The following SCGB1D4 variants were observed in gnomAD, a reference collection of about 807,000 sequenced individuals.
The protein encoded by SCGB1D4 is secretoglobin family 1D member 4.
Under a neutral mutation model 8.1 loss-of-function variants are expected in SCGB1D4, and 6 were observed. The observed-to-expected ratio is 0.74, with a 90% CI of 0.40 to 1.45. The LOEUF (loss-of-function observed/expected upper bound fraction) is 1.45, where lower values mean the gene tolerates loss of function less well. SCGB1D4 is among the 40% of genes most tolerant of loss of function. The pLI is 0.02. For synonymous variants in SCGB1D4, 34 were observed against 38.1 expected (o/e 0.89, Z 0.39); for missense variants, 93 against 95.0 (o/e 0.98, Z 0.09).
In SCGB1D4 at chr11:62,299,062, G is replaced by T; in HGVS notation, c.-52C>A. On this transcript the variant is annotated 5_prime_UTR_variant, in exon 1 of 3. Coordinates refer to ENST00000358585, the MANE Select transcript of SCGB1D4 (RefSeq NM_206998.2). ...CTTTCACAATGAGTGATTTGGATTCGACTCCAGGAGCCTGTGTAGTCATGG... is the reference window on the plus strand; with the variant it reads ...CTTTCACAATGAGTGATTTGGATTCTACTCCAGGAGCCTGTGTAGTCATGG... 1 of 1,586,338 alleles carries T rather than the reference G, an allele frequency of 6.3e-7. No individual in the cohort carries two copies. The highest frequency in any genetic ancestry group is 1.1e-5 in the South Asian group (1 of 88,344).
chr11:62,296,485 A>G, intron 2 of SCGB1D4, 66 bp from the exon 3 acceptor site: 2 of 1,531,906 alleles, frequency 1.3e-6, no homozygotes, highest in Non-Finnish European at 1.8e-6. Context: ...TGGTGATGAT[A>G]GGCTAACATC....
Position 62,297,506 on chromosome 11 carries a change from A to G in SCGB1D4, c.208T>C (p.Ser70Pro), listed in dbSNP as rs758164580. 1 of 1,612,346 alleles carries G rather than the reference A, an allele frequency of 6.2e-7. No homozygotes were observed. Among genetic ancestry groups the G allele is most frequent in the Non-Finnish European group, 8.5e-7 (1 of 1,179,432 alleles). ...TTCAATGAGAGTCGTTTCTTAAAAG[A>G]TATCTGATCGGTGCAGTGCTTCACT... ...LEVKHCTDQI[S>P]FKKRLSLKKS... The change falls in exon 2 of 3, where the codon TCT becomes CCT. Residue 70 changes from serine to proline, a missense_variant. Transcript: ENST00000358585.
At chr11:62,298,829 C>A in intron 1 of SCGB1D4, 127 bp downstream of exon 1, 1 of 655,398 alleles carries the variant, frequency 1.5e-6, no homozygotes, top group Non-Finnish European at 2.4e-6. Flanking sequence ...TCAACAAGCA[C>A]AGAAAAGGGT....
At chr11:62,296,487 G>C in intron 2 of SCGB1D4, 68 bp from the exon 3 acceptor site, 5 of 1,500,598 alleles carry the variant, frequency 3.3e-6, no homozygotes, top group Non-Finnish European at 4.6e-6. Context: ...GTGATGATAG[G>C]CTAACATCAA....
At chr11:62,296,556 T>G (rs1013684940) in intron 2 of SCGB1D4, 137 bp from the exon 3 acceptor site, 1 of 851,986 alleles carries the variant, frequency 1.2e-6, no homozygotes, top group Non-Finnish European at 1.8e-6. Flanking sequence ...AGAATTCAGT[T>G]TGGGAAACTG....
At position 62,296,318 on chromosome 11, in the gene SCGB1D4, C is replaced by A; in HGVS notation, c.*92G>T. ...GATTTATTAAAGCAACGTGTTGAAA[C>A]CTTTACAATTTTTAGTGAAGATCAG... is the stretch of plus-strand genomic sequence containing the variant. On this transcript the variant is annotated 3_prime_UTR_variant, in exon 3 of 3. Transcript: ENST00000358585. 7.9e-6 allele frequency: 9 copies of A among 1,141,018 alleles called. No individual in the cohort carries two copies. The South Asian group carries it at 9.9e-5, about 13-fold the overall frequency. The allele number at this position is 1,141,018 out of a possible 1,614,324, so 70.7% of individuals were successfully genotyped here.
intron 2 of SCGB1D4, 135 bp from the exon 3 acceptor site, chr11:62,296,554 G>T: frequency 2.3e-6 from 2 of 879,264 alleles, no homozygotes; most frequent in Non-Finnish European, 3.5e-6. Flanking sequence ...CAAGAATTCA[G>T]TTTGGGAAAC....
intron 1 of SCGB1D4, 70 bp from the exon 2 acceptor site, chr11:62,297,728 TACA>T: frequency 7.8e-7 from 1 of 1,276,102 alleles, no homozygotes; most frequent in Non-Finnish European, 1.1e-6. Context: ...TCCCTGAGGT[TACA>T]CCAGACAGGA....
In SCGB1D4 at chr11:62,298,056, G is replaced by GT. The variant is rs1264249050; in HGVS notation, c.56-399dup. Among the ~76,000 whole-genome samples the GT allele has an allele frequency of 2.2e-3, 274 of 126,528 alleles. 5 individuals carry two copies. Among genetic ancestry groups the GT allele is most frequent in the South Asian group, 9.7e-3 (40 of 4,120 alleles). The allele number at this position is 126,528 out of a possible 152,430, so 83.0% of individuals were successfully genotyped here. ...TGTGTGTGTGTGTGTGTTTTGTTTT[G>GT]TTTTTTTTTTTTGTAGAGATGGGGT... On this transcript the variant is annotated intron_variant, in intron 1 of 2. Coordinates refer to ENST00000358585, the MANE Select transcript of SCGB1D4 (RefSeq NM_206998.2).
At position 62,296,544 on chromosome 11, in the gene SCGB1D4, CA is replaced by C; in HGVS notation, c.243-126del. On this transcript the variant is annotated intron_variant, in intron 2 of 2. Transcript: ENST00000358585. Reference sequence around the variant, plus strand: ...CCAATGGCAATTGGAAAGGCAGAGGCAAGAATTCAGTTTGGGAAACTGAGGC... The same window carrying C: ...CCAATGGCAATTGGAAAGGCAGAGGCAGAATTCAGTTTGGGAAACTGAGGC... 3.1e-6 allele frequency: 3 copies of C among 954,446 alleles called. No individual in the cohort carries two copies. In the South Asian group the frequency reaches 4.5e-5, roughly 14 times the overall value. 59.1% of individuals were successfully genotyped at this position (954,446 alleles called of 1,614,324 possible).
chr11:62,297,382 C>T, intron 2 of SCGB1D4, 90 bp downstream of exon 2: 2 of 1,035,962 alleles, frequency 1.9e-6, no homozygotes. Flanking sequence ...GGGGACACAG[C>T]ATCCAGGCAG....
rs551893048 is a variant in SCGB1D4, at chr11:62,298,215, C to T, written c.56-557G>A. Among the ~76,000 whole-genome samples the T allele has an allele frequency of 6.6e-5, 10 of 151,972 alleles. No homozygotes were observed. The East Asian group carries it at 1.9e-3, about 29-fold the overall frequency. On this transcript the variant is annotated intron_variant, in intron 1 of 2. Coordinates refer to ENST00000358585, the MANE Select transcript of SCGB1D4 (RefSeq NM_206998.2). ...CAGCTTGACTCTTGACAACCATAAC[C>T]TTACTTCATTCTCATAGCCACTCCT... is the stretch of plus-strand genomic sequence containing the variant.
In SCGB1D4 at chr11:62,299,023, G is replaced by C; in HGVS notation, c.-13C>G. On this transcript the variant is annotated 5_prime_UTR_variant, in exon 1 of 3. Transcript: ENST00000358585. ...CTGACAGCCTCATGGTGGCTTATTC[G>C]GCTGTGAGCTCAGCTTTCACAATGA... is the stretch of plus-strand genomic sequence containing the variant. 1 of 1,612,438 alleles carries C rather than the reference G, an allele frequency of 6.2e-7. No homozygotes were observed. Among genetic ancestry groups the C allele is most frequent in the Non-Finnish European group, 8.5e-7 (1 of 1,179,190 alleles).
At chr11:62,297,721 C>A in intron 1 of SCGB1D4, 63 bp from the exon 2 acceptor site, 1 of 1,368,664 alleles carries the variant, frequency 7.3e-7, no homozygotes, top group Non-Finnish European at 1.0e-6. Flanking sequence ...TCATGGCTCC[C>A]TGAGGTTACA....
At chr11:62,296,559 G>C in intron 2 of SCGB1D4, 140 bp from the exon 3 acceptor site, 1 of 805,340 alleles carries the variant, frequency 1.2e-6, no homozygotes, top group Non-Finnish European at 2.0e-6. Flanking sequence ...ATTCAGTTTG[G>C]GAAACTGAGG....
intron 1 of SCGB1D4, 147 bp from the exon 2 acceptor site, chr11:62,297,805 T>G (rs1528732): frequency 3.2e-6 from 2 of 633,624 alleles, no homozygotes; most frequent in Admixed American, 6.0e-5. Flanking sequence ...ACTCCAGGTG[T>G]GACTTTCTCC....
In SCGB1D4 at chr11:62,296,456, A is replaced by G. The variant is rs541361471; in HGVS notation, c.243-37T>C. 1.5e-5 allele frequency: 24 copies of G among 1,600,072 alleles called. No homozygotes were observed. The South Asian group carries it at 2.5e-4, about 17-fold the overall frequency. On this transcript the variant is annotated intron_variant, in intron 2 of 2. Transcript: ENST00000358585. ...AAAAAGAAAGAAAGAAAGAAAGGTGAGGTCAGTCATGCTGCTGCTGGTGAT... is the reference window on the plus strand; with the variant it reads ...AAAAAGAAAGAAAGAAAGAAAGGTGGGGTCAGTCATGCTGCTGCTGGTGAT...
chr11:62,298,855 G>A lies in SCGB1D4; in HGVS notation c.55+101C>T, dbSNP rs2134522976. The stretch of plus-strand genomic sequence containing the variant: ...AGAAAAGGGTTTGGAATTTTGTTTG[G>A]TTTTGTGCAGACCCCAACCCAAAGC... On this transcript the variant is annotated intron_variant, in intron 1 of 2. Coordinates refer to ENST00000358585, the MANE Select transcript of SCGB1D4 (RefSeq NM_206998.2). 4.5e-6 allele frequency: 5 copies of A among 1,121,838 alleles called. No homozygotes were observed. The East Asian group carries it at 1.0e-4, about 23-fold the overall frequency. The allele number at this position is 1,121,838 out of a possible 1,614,324, so 69.5% of individuals were successfully genotyped here.
rs1945440646 is a variant in SCGB1D4 at position 62,296,327 on chromosome 11, T to C, written c.*83A>G. 2.4e-6 allele frequency: 3 copies of C among 1,242,538 alleles called. No homozygotes were observed. Among genetic ancestry groups the C allele is most frequent in the African/African-American group, 3.0e-5 (2 of 67,614 alleles). 77.0% of individuals were successfully genotyped at this position (1,242,538 alleles called of 1,614,324 possible). ...AAGCAACGTGTTGAAACCTTTACAA[T>C]TTTTAGTGAAGATCAGGGTGTCGTT... is the stretch of plus-strand genomic sequence containing the variant. On this transcript the variant is annotated 3_prime_UTR_variant, in exon 3 of 3. Transcript: ENST00000358585.
Sources: gnomAD v4.1 joint callset for allele counts (sites outside exome capture counted in the v4.1 genomes callset) on GRCh38, gnomAD v4.1.1 for gene constraint, MANE v1.5 for transcripts, NCBI Gene and HGNC (gene_info 2026-07-23, HGNC 2026-07-21) for gene names.